The following CADM2 variants were observed in gnomAD, a reference collection of about 807,000 sequenced individuals.
CADM2 encodes the protein cell adhesion molecule 2.
Under a neutral mutation model 49.8 loss-of-function variants are expected in CADM2, and 12 were observed. The ratio of observed to expected loss-of-function variants is 0.24; its 90% CI spans 0.15 to 0.39. CADM2 has a LOEUF of 0.39. Ranked by LOEUF, CADM2 falls within the 10% of genes least tolerant of loss-of-function variation. CADM2 has a pLI of 1.00. For missense variants in CADM2, 378 were observed against 492.3 expected (o/e 0.77, Z 2.20); for synonymous variants, 214 against 175.4 (o/e 1.22, Z -1.74).
intron 1 of CADM2, among the ~76,000 whole-genome samples, chr3:84,999,423 G>GT (rs1489117683): frequency 6.6e-6 from 1 of 152,074 alleles, no homozygotes; most frequent in Non-Finnish European, 1.5e-5. Context: ...CCTGAACACA[G>GT]TTTATCTAAC....
chr3:85,612,139 T>G (rs2063697444), intron 1 of CADM2, among the ~76,000 whole-genome samples: 1 of 152,028 alleles, frequency 6.6e-6, no homozygotes, highest in East Asian at 1.9e-4. Context: ...TGTATATTGA[T>G]AAGTTTAAAA....
intron 1 of CADM2, among the ~76,000 whole-genome samples, chr3:85,285,644 T>G (rs2043616564): frequency 6.6e-6 from 1 of 151,996 alleles, no homozygotes; most frequent in Admixed American, 6.6e-5. Flanking sequence ...CTTTTTCTCC[T>G]ACCACAACAA....
chr3:85,371,646 TG>T (rs2033234734), intron 1 of CADM2, among the ~76,000 whole-genome samples: 1 of 120,696 alleles, frequency 8.3e-6, no homozygotes, highest in Non-Finnish European at 1.7e-5. Context: ...TGTGTGTGCA[TG>T]GGGATATATA....
At chr3:86,058,196 C>T (rs556136786) in intron 8 of CADM2, among the ~76,000 whole-genome samples, 45 of 152,262 alleles carry the variant, frequency 3.0e-4, no homozygotes, top group African/African-American at 1.0e-3. Flanking sequence ...AATATTTTCC[C>T]TAATCTTTCA....
chr3:85,611,765 A>G (rs943366385), intron 1 of CADM2, among the ~76,000 whole-genome samples: 4 of 151,192 alleles, frequency 2.6e-5, no homozygotes, highest in Non-Finnish European at 4.4e-5. Context: ...AAGCACACAC[A>G]ATTTGGAACA....
intron 1 of CADM2, among the ~76,000 whole-genome samples, chr3:84,987,698 T>A (rs909194316): frequency 9.9e-5 from 15 of 152,176 alleles, no homozygotes; most frequent in African/African-American, 3.6e-4. Context: ...TAGTAATAAC[T>A]GTGATTATTG....
intron 1 of CADM2, among the ~76,000 whole-genome samples, chr3:85,491,157 G>A (rs115864926): frequency 0.01 from 1,526 of 152,276 alleles, 24 homozygotes; most frequent in African/African-American, 0.033. Flanking sequence ...TATGTTTGAT[G>A]ATTGTGATAT....
At chr3:85,708,975 G>C (rs903469410) in intron 1 of CADM2, among the ~76,000 whole-genome samples, 3 of 150,118 alleles carry the variant, frequency 2.0e-5, no homozygotes, top group African/African-American at 7.3e-5. Flanking sequence ...GCTTTTGCCT[G>C]ATACAATGAT....
Position 85,347,870 on chromosome 3 carries a change from C to T in CADM2, c.62-378652C>T, listed in dbSNP as rs561585358. 1.4e-4 allele frequency among the ~76,000 whole-genome samples: 21 copies of T among 151,006 alleles called. No individual in the cohort carries two copies. In the East Asian group the frequency reaches 3.7e-3, roughly 27 times the overall value. ...TCGCCCAGGCTGGAGTGCAGTGGCA[C>T]GATCTCCGCTCAGTGCAAGCTCCGC... On this transcript the variant is annotated intron_variant, in intron 1 of 9. Coordinates refer to ENST00000383699, the MANE Select transcript of CADM2 (RefSeq NM_001167675.2).
chr3:84,994,302 G>A (rs915991797), intron 1 of CADM2, among the ~76,000 whole-genome samples: 1 of 152,112 alleles, frequency 6.6e-6, no homozygotes, highest in Non-Finnish European at 1.5e-5. Flanking sequence ...TTTACTTCAA[G>A]TGTCAATATT....
intron 5 of CADM2, among the ~76,000 whole-genome samples, chr3:85,899,770 G>A (rs1715844414): frequency 1.3e-5 from 2 of 152,090 alleles, no homozygotes; most frequent in South Asian, 4.2e-4. Flanking sequence ...TTTGGTTCTG[G>A]CTGATGGTAA....
intron 2 of CADM2, among the ~76,000 whole-genome samples, chr3:85,797,502 T>C (rs1310637472): frequency 3.3e-5 from 5 of 152,152 alleles, no homozygotes. Context: ...AGTGAGAACA[T>C]GCGGTGTTTG....
At chr3:85,356,255 G>T (rs970825809) in intron 1 of CADM2, among the ~76,000 whole-genome samples, 1 of 151,972 alleles carries the variant, frequency 6.6e-6, no homozygotes, top group African/African-American at 2.4e-5. Flanking sequence ...TGTATGACTA[G>T]TTGCATTCTA....
intron 1 of CADM2, among the ~76,000 whole-genome samples, chr3:85,258,355 A>G (rs2042936865): frequency 6.6e-6 from 1 of 152,080 alleles, no homozygotes; most frequent in Non-Finnish European, 1.5e-5. Context: ...TCAAAAGTTT[A>G]TTCCTGACAT....
intron 1 of CADM2, among the ~76,000 whole-genome samples, chr3:85,229,687 A>G (rs1254901126): frequency 6.6e-6 from 1 of 152,220 alleles, no homozygotes; most frequent in Non-Finnish European, 1.5e-5. Flanking sequence ...AATAACAAGG[A>G]TTGATGCCAA....
At chr3:85,091,916 T>A (rs1363437374) in intron 1 of CADM2, among the ~76,000 whole-genome samples, 1 of 152,134 alleles carries the variant, frequency 6.6e-6, no homozygotes, top group Non-Finnish European at 1.5e-5. Context: ...ATAATTAATG[T>A]GTCACTTCAT....
chr3:85,244,872 T>C (rs1227934592), intron 1 of CADM2, among the ~76,000 whole-genome samples: 2 of 152,204 alleles, frequency 1.3e-5, no homozygotes, highest in Non-Finnish European at 2.9e-5. Flanking sequence ...TACCAAGAGT[T>C]AGAATTTTGG....
chr3:85,965,769 GAGAACATAA>G (rs1288378932), intron 8 of CADM2, among the ~76,000 whole-genome samples: 1 of 151,470 alleles, frequency 6.6e-6, no homozygotes, highest in African/African-American at 2.4e-5. Context: ...ATTCACTATA[GAGAACATAA>G]CAGATGATAC....
chr3:85,293,727 A>G (rs2043869748), intron 1 of CADM2, among the ~76,000 whole-genome samples: 1 of 148,954 alleles, frequency 6.7e-6, no homozygotes, highest in Non-Finnish European at 1.5e-5. Context: ...AGCCTTTGAC[A>G]AAATTCAGCA....
Sources: allele counts gnomAD v4.1 joint callset (sites outside exome capture counted in the v4.1 genomes callset), GRCh38; gene constraint gnomAD v4.1.1; transcripts MANE v1.5; gene names NCBI Gene and HGNC (gene_info 2026-07-23, HGNC 2026-07-21).